COL13A1: variants seen among roughly 807,000 people sequenced by gnomAD.
COL13A1 encodes collagen alpha-1(XIII) chain.
A neutral mutation model predicts 130.9 loss-of-function variants in COL13A1; 89 were observed. That is an observed-to-expected ratio of 0.68 (90% CI 0.57 to 0.81). COL13A1 has a LOEUF of 0.81. Ranked by LOEUF, COL13A1 falls within the 30% of genes least tolerant of loss-of-function variation. The pLI, the probability that COL13A1 is intolerant of heterozygous loss-of-function variation, is 0.00. For missense variants in COL13A1, 879 were observed against 934.6 expected (o/e 0.94, Z 0.78); for synonymous variants, 402 against 341.6 (o/e 1.18, Z -1.95).
intron 17 of COL13A1, among the ~76,000 whole-genome samples, chr10:69,915,727 G>A (rs973406914): frequency 2.0e-5 from 3 of 152,210 alleles, no homozygotes; most frequent in African/African-American, 4.8e-5. Flanking sequence ...GTCAGTGTGC[G>A]AGGGCAGCTC....
At chr10:69,937,599 C>T in intron 33 of COL13A1, 36 bp from the exon 34 acceptor site, 1 of 966,896 alleles carries the variant, frequency 1.0e-6, no homozygotes, top group Non-Finnish European at 1.7e-6. Context: ...TGGGACATGT[C>T]CTTGTGTGAT....
intron 2 of COL13A1, among the ~76,000 whole-genome samples, chr10:69,846,946 G>A (rs896234672): frequency 5.9e-5 from 9 of 152,312 alleles, no homozygotes; most frequent in African/African-American, 1.7e-4. Flanking sequence ...CGGGAGCCAC[G>A]GCCCTCATTA....
chr10:69,815,378 C>T (rs1179928492), intron 1 of COL13A1, among the ~76,000 whole-genome samples: 1 of 152,202 alleles, frequency 6.6e-6, no homozygotes, highest in Non-Finnish European at 1.5e-5. Context: ...ATTTTAATAG[C>T]TGCAACCGAT....
intron 2 of COL13A1, among the ~76,000 whole-genome samples, chr10:69,831,249 G>A (rs1422443480): frequency 6.6e-6 from 1 of 152,110 alleles, no homozygotes; most frequent in African/African-American, 2.4e-5. Context: ...GCCACCTGTG[G>A]GCTGGCAGCA....
At chr10:69,875,845 A>T (rs2059520971) in intron 5 of COL13A1, among the ~76,000 whole-genome samples, 1 of 152,010 alleles carries the variant, frequency 6.6e-6, no homozygotes, top group Non-Finnish European at 1.5e-5. Flanking sequence ...CACCCTCACC[A>T]CTCCCCAGCC....
At chr10:69,839,044 T>C (rs957823871) in intron 2 of COL13A1, among the ~76,000 whole-genome samples, 10 of 152,370 alleles carry the variant, frequency 6.6e-5, no homozygotes, top group South Asian at 4.1e-4. Flanking sequence ...CATCCCCTGA[T>C]TGGGCCTCTG....
At chr10:69,867,910 T>C (rs1380397527) in intron 3 of COL13A1, 105 bp downstream of exon 3, 2 of 705,742 alleles carry the variant, frequency 2.8e-6, no homozygotes, top group Non-Finnish European at 5.3e-6. Context: ...TGCTGTCTTG[T>C]TGGGGGCCTA....
chr10:69,930,424 A>G lies in COL13A1; in HGVS notation c.1555A>G (p.Met519Val). Reference sequence around the variant, plus strand: ...GGGACCTCGCGGTAAACCAGGAGACATGGGCCCTCCTGGTCCCCAAGGCCC... The same window carrying G: ...GGGACCTCGCGGTAAACCAGGAGACGTGGGCCCTCCTGGTCCCCAAGGCCC... ...EKGPRGKPGD[M>V]GPPGPQGPPG... Residue 519 changes from methionine to valine, a missense_variant, in exon 30 of 41, where the codon ATG becomes GTG. Met to Val is a conservative substitution (Grantham distance 21, BLOSUM62 1). Coordinates refer to ENST00000645393, the MANE Select transcript of COL13A1 (RefSeq NM_001368882.1). 2 of 1,611,738 alleles carry G rather than the reference A, an allele frequency of 1.2e-6. No homozygotes were observed. The highest frequency in any genetic ancestry group is 1.7e-6 in the Non-Finnish European group (2 of 1,179,116).
In COL13A1 at chr10:69,888,476, G is replaced by A. The variant is rs371236741; in HGVS notation, c.576+146G>A. 16 of 1,194,218 alleles carry A rather than the reference G, an allele frequency of 1.3e-5. No individual in the cohort carries two copies. The East Asian group carries it at 1.8e-4, about 13-fold the overall frequency. The allele number at this position is 1,194,218 out of a possible 1,614,324, so 74.0% of individuals were successfully genotyped here. Reference sequence around the variant, plus strand: ...GGTTGTCACTAGTGGGAAGTGGAGGGGGCCATTTGAGTCACCCCTGACCCC... The same window carrying A: ...GGTTGTCACTAGTGGGAAGTGGAGGAGGCCATTTGAGTCACCCCTGACCCC... On this transcript the variant is annotated intron_variant, in intron 9 of 40. Coordinates refer to ENST00000645393, the MANE Select transcript of COL13A1 (RefSeq NM_001368882.1).
At chr10:69,915,275 C>T (rs1031779293) in intron 17 of COL13A1, among the ~76,000 whole-genome samples, 1 of 152,178 alleles carries the variant, frequency 6.6e-6, no homozygotes, top group Admixed American at 6.5e-5. Flanking sequence ...AGTGGCTGTG[C>T]CCTTCTCTCT....
At chr10:69,878,576 G>A (rs557732967) in intron 6 of COL13A1, among the ~76,000 whole-genome samples, 4 of 152,276 alleles carry the variant, frequency 2.6e-5, no homozygotes, top group Admixed American at 2.6e-4. Context: ...CCGTCTCCTG[G>A]GTTCAAGCAA....
At position 69,948,126 on chromosome 10, in the gene COL13A1, G is replaced by A. The variant is rs146310919; in HGVS notation, c.2058+784G>A. Among the ~76,000 whole-genome samples, 428 of 152,312 alleles carry A rather than the reference G, an allele frequency of 2.8e-3. 1 individual carries two copies. The highest frequency in any genetic ancestry group is 7.6e-3 in the African/African-American group (317 of 41,560). ...CTAGAAACCAAGTGTGTCTCCTAGCGGGTCCTAAAATCCAAGGCGCTTAGA... is the reference window on the plus strand; with the variant it reads ...CTAGAAACCAAGTGTGTCTCCTAGCAGGTCCTAAAATCCAAGGCGCTTAGA... On this transcript the variant is annotated intron_variant, in intron 38 of 40. Coordinates refer to ENST00000645393, the MANE Select transcript of COL13A1 (RefSeq NM_001368882.1).
chr10:69,911,055 T>C (rs1016818528), intron 17 of COL13A1, among the ~76,000 whole-genome samples: 8 of 151,996 alleles, frequency 5.3e-5, no homozygotes, highest in African/African-American at 1.7e-4. Context: ...CCAGTGGGGC[T>C]CCCCAGAAAC....
intron 37 of COL13A1, 22 bp downstream of exon 37, chr10:69,945,746 G>T: frequency 6.2e-7 from 1 of 1,604,762 alleles, no homozygotes; most frequent in Non-Finnish European, 8.5e-7. Context: ...GGGATCAGAG[G>T]TTCCTCTCCT....
At chr10:69,957,587 G>T (rs1328401167) in intron 40 of COL13A1, among the ~76,000 whole-genome samples, 1 of 152,194 alleles carries the variant, frequency 6.6e-6, no homozygotes, top group Admixed American at 6.5e-5. Context: ...TACCAACAAT[G>T]AGTTTTCATT....
Position 69,921,920 on chromosome 10 carries a change from C to T in COL13A1, c.1128C>T (p.Gly376=), listed in dbSNP as rs2064733214. The T allele has an allele frequency of 6.2e-6, 10 of 1,605,972 alleles. No individual in the cohort carries two copies. Among genetic ancestry groups the T allele is most frequent in the Non-Finnish European group, 8.5e-6 (10 of 1,176,538 alleles). Residue 376 remains glycine, a synonymous_variant, in exon 22 of 41, where the codon GGC becomes GGT. Transcript: ENST00000645393. ...KGAEGSPGLP[G]LLGQKGEKGD... ...CTGAAGGCTCCCCTGGGCTTCCTGG[C>T]CTCCTGGGGCAGAAGGTAGGTGTTG...
chr10:69,945,348 C>T (rs1401945883), intron 36 of COL13A1, among the ~76,000 whole-genome samples: 1 of 152,198 alleles, frequency 6.6e-6, no homozygotes, highest in African/African-American at 2.4e-5. Context: ...TCTTTCTCTT[C>T]CCTTTCTCTT....
chr10:69,941,992 G>T (rs1178587237), intron 35 of COL13A1, among the ~76,000 whole-genome samples: 7 of 152,208 alleles, frequency 4.6e-5, no homozygotes, highest in Non-Finnish European at 1.0e-4. Context: ...TGGAGTTCTA[G>T]TTAGCTGGCT....
chr10:69,937,865 A>C, intron 34 of COL13A1, 150 bp downstream of exon 34: 2 of 589,614 alleles, frequency 3.4e-6, no homozygotes, highest in Non-Finnish European at 3.0e-6. Flanking sequence ...GCAAGACCAC[A>C]GGCTCTGATT....
Sources: allele counts gnomAD v4.1 joint callset (sites outside exome capture counted in the v4.1 genomes callset), GRCh38; gene constraint gnomAD v4.1.1; transcripts MANE v1.5; gene names NCBI Gene and HGNC (gene_info 2026-07-23, HGNC 2026-07-21).